The following PLXNB2 variants were observed in gnomAD, a reference collection of about 807,000 sequenced individuals.
PLXNB2 encodes plexin-B2.
PLXNB2 carries 85 observed loss-of-function variants against 202.6 expected under a neutral mutation model. That is an observed-to-expected ratio of 0.42 (90% confidence interval 0.35 to 0.50). The LOEUF (loss-of-function observed/expected upper bound fraction) is 0.50. Among genes scored for constraint, PLXNB2 ranks in the 20% least tolerant of loss-of-function variants. PLXNB2 has a pLI of 0.02. For synonymous variants in PLXNB2, 1,239 were observed against 1,137.6 expected (o/e 1.09, Z -1.79); for missense variants, 2,063 against 2,586.2 (o/e 0.80, Z 4.39).
chr22:50,278,730 C>A (rs1163687736), intron 28 of PLXNB2, 34 bp from the exon 29 acceptor site: 1 of 1,592,888 alleles, frequency 6.3e-7, no homozygotes. Context: ...TGGGCCCCAG[C>A]CACCCAGGTT....
Position 50,275,380 on chromosome 22 carries a change from G to A in PLXNB2, c.*324C>T, listed in dbSNP as rs771000284. 26 of 481,714 alleles carry A rather than the reference G, an allele frequency of 5.4e-5. No homozygotes were observed. The highest frequency in any genetic ancestry group is 9.0e-4 in the Middle Eastern group (2 of 2,216). The allele number at this position is 481,714 out of a possible 1,614,324, so 29.8% of individuals were successfully genotyped here. A position where few individuals can be genotyped will look rare whatever the true frequency, so the allele number is the denominator to read the frequency against. On this transcript the variant is annotated 3_prime_UTR_variant, in exon 37 of 37. Coordinates refer to ENST00000359337, the MANE Select transcript of PLXNB2 (RefSeq NM_012401.4). ...TGGAGGCGGCTGCTGGTGCGTGGGCGGAGGCGGAGGCCAGCTGCCCCCAGC... is the reference window on the plus strand; with the variant it reads ...TGGAGGCGGCTGCTGGTGCGTGGGCAGAGGCGGAGGCCAGCTGCCCCCAGC...
intron 8 of PLXNB2, among the ~76,000 whole-genome samples, chr22:50,286,846 C>T (rs540593028): frequency 1.6e-4 from 25 of 152,290 alleles, no homozygotes; most frequent in African/African-American, 5.5e-4. Flanking sequence ...CATGCCGCTC[C>T]GGACGTGATG....
At position 50,287,684 on chromosome 22, in the gene PLXNB2, G is replaced by A. The variant is rs1433414091; in HGVS notation, c.1591C>T (p.Arg531Trp). The A allele has an allele frequency of 3.2e-6, 5 of 1,549,026 alleles. No individual in the cohort carries two copies. The highest frequency in any genetic ancestry group is 2.4e-5 in the East Asian group (1 of 41,968). The change falls in exon 7 of 37, where the codon CGG becomes TGG. Residue 531 changes from arginine (R) to tryptophan (W), a missense_variant. Physicochemically the swap from Arg to Trp is moderately radical, Grantham distance 101. Transcript: ENST00000359337. ...VTSAQPQNMS[R>W]RAQGEVQLTV... ...CCACGCACCTCCCCCTGGGCCCGCC[G>A]GCTCATGTTCTGTGGCTGGGCGCTG...
Position 50,288,950 on chromosome 22 carries a change from TG to T in PLXNB2, c.1251+9del. 1.9e-6 allele frequency: 3 copies of T among 1,606,654 alleles called. No individual in the cohort carries two copies. Among genetic ancestry groups the T allele is most frequent in the Non-Finnish European group, 2.6e-6 (3 of 1,174,886 alleles). On this transcript the variant is annotated intron_variant, in intron 4 of 36. Coordinates refer to ENST00000359337, the MANE Select transcript of PLXNB2 (RefSeq NM_012401.4). The surrounding 1 kb of genome is among the most constrained non-coding windows in gnomAD (Gnocchi z 5.0). The stretch of plus-strand genomic sequence containing the variant: ...CCTCCAGAGCCTCCCCGCCCCAGCC[TG>T]GGCCAAACCTTGAGGATCCGGCCAT...
At position 50,278,272 on chromosome 22, in the gene PLXNB2, C is replaced by T; in HGVS notation, c.4733-1G>A. On this transcript the variant is annotated splice_acceptor_variant, in intron 30 of 36. Coordinates refer to ENST00000359337, the MANE Select transcript of PLXNB2 (RefSeq NM_012401.4). LOFTEE classifies it high-confidence loss of function. ...TTCTCCTCCTCCAGGAGGGCATGGC[C>T]TGTGGGGAGCGGGCACTGAGGGACC... 1 of 1,610,738 alleles carries T rather than the reference C, an allele frequency of 6.2e-7. No individual in the cohort carries two copies. Among genetic ancestry groups the T allele is most frequent in the Non-Finnish European group, 8.5e-7 (1 of 1,179,786 alleles).
At position 50,279,687 on chromosome 22, in the gene PLXNB2, G is replaced by C. The variant is rs774911884; in HGVS notation, c.4332C>G (p.Ala1444=). 1 of 1,613,966 alleles carries C rather than the reference G, an allele frequency of 6.2e-7. No individual in the cohort carries two copies. Among genetic ancestry groups the C allele is most frequent in the Admixed American group, 1.7e-5 (1 of 60,032 alleles). Residue 1444 remains alanine (A), a synonymous_variant, in exon 27 of 37, where the codon GCC becomes GCG. Transcript: ENST00000359337. The part of the protein sequence containing the change: ...KGPVDAVQKK[A]KYTLNDTGLL... ...GCCCCGTGTCGTTGAGAGTGTACTT[G>C]GCCTTCTTCTGTACCGCATCCACCG...
chr22:50,276,400 C>T (rs879151887), intron 35 of PLXNB2, among the ~76,000 whole-genome samples: 33 of 40,058 alleles, frequency 8.2e-4, no homozygotes, highest in African/African-American at 3.1e-3. Context: ...GTGGGTGCAG[C>T]CGCAGGGAGG....
At position 50,278,012 on chromosome 22, in the gene PLXNB2, C is replaced by T; in HGVS notation, c.4889G>A (p.Gly1630Asp). 1 of 1,611,284 alleles carries T rather than the reference C, an allele frequency of 6.2e-7. No individual in the cohort carries two copies. The highest frequency in any genetic ancestry group is 8.5e-7 in the Non-Finnish European group (1 of 1,178,696). Residue 1630 changes from glycine (G) to aspartate (D), a missense_variant and splice_region_variant, in exon 32 of 37, where the codon GGC (glycine) becomes GAC (aspartate). Physicochemically the swap from Gly to Asp is moderately conservative, Grantham distance 94. Coordinates refer to ENST00000359337, the MANE Select transcript of PLXNB2 (RefSeq NM_012401.4). ...GTTGTCCACAAACTGCTGCAGTGTG[C>T]CCTGTGGGGGGGAGGGTCTCAGCGT... ...IYLTRLLSVK[G>D]TLQQFVDNFF...
intron 1 of PLXNB2, among the ~76,000 whole-genome samples, chr22:50,304,932 G>A (rs765686454): frequency 7.2e-5 from 11 of 152,228 alleles, no homozygotes; most frequent in Non-Finnish European, 1.3e-4. Context: ...GGCAGGCTCT[G>A]GGCACAAGAG....
In PLXNB2 at chr22:50,278,926, T is replaced by TC. The variant is rs2065797952; in HGVS notation, c.4474dup (p.Glu1492GlyfsTer5). The TC allele has an allele frequency of 6.2e-7, 1 of 1,613,652 alleles. No individual in the cohort carries two copies. Among genetic ancestry groups the TC allele is most frequent in the Non-Finnish European group, 8.5e-7 (1 of 1,179,940 alleles). ...ACGGTACACCTGGTCAATGATCTTC[T>TC]CCTTGACCTGGGAGATGGTGTCACA... On this transcript the variant is annotated frameshift_variant, in exon 28 of 37. Coordinates refer to ENST00000359337, the MANE Select transcript of PLXNB2 (RefSeq NM_012401.4). LOFTEE classifies it high-confidence loss of function.
At chr22:50,281,223 G>A (rs185630451) in intron 22 of PLXNB2, 34 bp from the exon 23 acceptor site, 21,697 of 1,588,562 alleles carry the variant, frequency 0.014, 193 homozygotes, top group Non-Finnish European at 0.016. Context: ...AGGTTCTGCC[G>A]GGGCTGGCCG....
In PLXNB2 at chr22:50,277,958, T is replaced by G. The variant is rs2065723269; in HGVS notation, c.4943A>C (p.His1648Pro). 2 of 1,612,686 alleles carry G rather than the reference T, an allele frequency of 1.2e-6. No individual in the cohort carries two copies. The highest frequency in any genetic ancestry group is 1.7e-6 in the Non-Finnish European group (2 of 1,179,718). The change falls in exon 32 of 37, where the codon CAC becomes CCC. Residue 1648 changes from histidine (H) to proline (P), a missense_variant. Physicochemically the swap from His to Pro is moderately conservative, Grantham distance 77. Transcript: ENST00000359337. ...NFFQSVLAPG[H>P]AVPPAVKYFF... ...GTACTTGACTGCAGGTGGCACCGCG[T>G]GCCCAGGCGCCAGCACGCTCTGGAA...
rs758817773 is a variant in PLXNB2, at chr22:50,287,950, C to A, written c.1468G>T (p.Val490Phe). ...CCAGGCACTCACCGTCCCTCGACGA[C>A]GCACCAGCCGCAGTAGGGGTCCTGG... ...DSQDPYCGWC[V>F]VEGRCTRKAE... is the part of the protein sequence containing the mutation. The change falls in exon 6 of 37, where the codon GTC (valine) becomes TTC (phenylalanine). Residue 490 changes from valine to phenylalanine, a missense_variant. Physicochemically the swap from Val to Phe is conservative, Grantham distance 50. Coordinates refer to ENST00000359337, the MANE Select transcript of PLXNB2 (RefSeq NM_012401.4). 6.3e-7 allele frequency: 1 copy of A among 1,584,928 alleles called. No individual in the cohort carries two copies. The highest frequency in any genetic ancestry group is 8.6e-7 in the Non-Finnish European group (1 of 1,166,772).
In PLXNB2 at chr22:50,287,193, C is replaced by A; in HGVS notation, c.1680G>T (p.Ser560=). 6.5e-7 allele frequency: 1 copy of A among 1,548,286 alleles called. No individual in the cohort carries two copies. The highest frequency in any genetic ancestry group is 2.4e-5 in the East Asian group (1 of 40,838). The change falls in exon 8 of 37, where the codon TCG becomes TCT. Residue 560 remains serine (S), a synonymous_variant. Coordinates refer to ENST00000359337, the MANE Select transcript of PLXNB2 (RefSeq NM_012401.4). The part of the protein sequence containing the change: ...EDELLCLFGE[S]PPHPARVEGE... ...CCTCCACGCGGGCGGGGTGTGGCGG[C>A]GACTCCCCAAAAAGGCACAGCAACT...
Position 50,289,457 on chromosome 22 carries a change from G to C in PLXNB2, c.1068+60C>G. The C allele has an allele frequency of 6.7e-7, 1 of 1,502,202 alleles. No homozygotes were observed. Among genetic ancestry groups the C allele is most frequent in the Non-Finnish European group, 8.9e-7 (1 of 1,122,336 alleles). The allele number at this position is 1,502,202 out of a possible 1,614,324, so 93.1% of individuals were successfully genotyped here. A position where few individuals can be genotyped will look rare whatever the true frequency, so the allele number is the denominator to read the frequency against. ...CACCCTCCCCAGCAGGCTGGGACAC[G>C]CAAACCCACGAACGGACGCCTGCAG... On this transcript the variant is annotated intron_variant, in intron 3 of 36. Coordinates refer to ENST00000359337, the MANE Select transcript of PLXNB2 (RefSeq NM_012401.4). The surrounding 1 kb of genome is among the most constrained non-coding windows in gnomAD (Gnocchi z 8.0).
rs370735309 is a variant in PLXNB2 at position 50,285,679 on chromosome 22, G to T, written c.2088+121C>A. On this transcript the variant is annotated intron_variant, in intron 11 of 36. Transcript: ENST00000359337. ...AGCCGGCACCCCTCCCTCCGCACCT[G>T]AGCCTGCCTGTCACCGGCCGGCACC... is the stretch of plus-strand genomic sequence containing the variant. The T allele has an allele frequency of 1.4e-3, 748 of 532,992 alleles. 16 individuals are homozygous for T. Among genetic ancestry groups the T allele is most frequent in the South Asian group, 3.1e-3 (178 of 56,550 alleles). 33.0% of individuals were successfully genotyped at this position (532,992 alleles called of 1,614,324 possible).
chr22:50,279,998 A>G lies in PLXNB2; in HGVS notation c.4242+7T>C. 1 of 1,600,488 alleles carries G rather than the reference A, an allele frequency of 6.2e-7. No individual in the cohort carries two copies. The highest frequency in any genetic ancestry group is 8.5e-7 in the Non-Finnish European group (1 of 1,172,502). ...TCAAGCCCCAGCCAGGCTGGGGTGG[A>G]ACCCACCTTGAGGTACTGGTACAGG... On this transcript the variant is annotated splice_region_variant and intron_variant, in intron 26 of 36. Coordinates refer to ENST00000359337, the MANE Select transcript of PLXNB2 (RefSeq NM_012401.4).
At chr22:50,295,063 G>A (rs1161312127) in intron 1 of PLXNB2, among the ~76,000 whole-genome samples, 1 of 152,200 alleles carries the variant, frequency 6.6e-6, no homozygotes, top group Non-Finnish European at 1.5e-5. Flanking sequence ...GCTCCCGCCT[G>A]TAATCCCAGC....
intron 33 of PLXNB2, 34 bp from the exon 34 acceptor site, chr22:50,276,940 A>C (rs1258442746): frequency 6.6e-7 from 1 of 1,524,896 alleles, no homozygotes; most frequent in Non-Finnish European, 9.0e-7. Context: ...TGCCTGGCCA[A>C]GGGGGCCAGG....
Sources: gnomAD v4.1 joint callset for allele counts (sites outside exome capture counted in the v4.1 genomes callset) on GRCh38, gnomAD v4.1.1 for gene constraint, Gnocchi (gnomAD v3.1) non-coding constraint, MANE v1.5 for transcripts, NCBI Gene and HGNC (gene_info 2026-07-23, HGNC 2026-07-21) for gene names.